The following ERGIC2 variants were observed in gnomAD, a reference collection of about 807,000 sequenced individuals.
The protein encoded by ERGIC2 is endoplasmic reticulum-Golgi intermediate compartment protein 2.
Under a neutral mutation model 52.5 loss-of-function variants are expected in ERGIC2, and 31 were observed. The observed-to-expected ratio is 0.59, with a 90% confidence interval of 0.44 to 0.80. ERGIC2 has a LOEUF of 0.80. ERGIC2 is among the 30% of genes least tolerant of loss of function. The pLI is 0.00. For missense variants in ERGIC2, 395 were observed against 455.2 expected (o/e 0.87, Z 1.20); for synonymous variants, 129 against 140.6 (o/e 0.92, Z 0.58).
At position 29,341,089 on chromosome 12, in the gene ERGIC2, A is replaced by G. The variant is rs888083150; in HGVS notation, c.*67T>C. The G allele has an allele frequency of 3.7e-5, 38 of 1,030,674 alleles. No individual in the cohort carries two copies. The highest frequency in any genetic ancestry group is 5.3e-5 in the Non-Finnish European group (36 of 680,212). 63.8% of individuals were successfully genotyped at this position (1,030,674 alleles called of 1,614,324 possible). A position where few individuals can be genotyped will look rare whatever the true frequency, so the allele number is the denominator to read the frequency against. On this transcript the variant is annotated 3_prime_UTR_variant, in exon 14 of 14. Transcript: ENST00000360150. ...TTCTTTTCTTTGAATATATTGCACA[A>G]TATTTTATTATTAAAAAAAGGTTTT...
chr12:29,364,355 G>A lies in ERGIC2; in HGVS notation c.333+2522C>T, dbSNP rs182305387. Among the ~76,000 whole-genome samples, 347 of 152,244 alleles carry A rather than the reference G, an allele frequency of 2.3e-3. 2 individuals are homozygous for A. Among genetic ancestry groups the A allele is most frequent in the Admixed American group, 4.6e-3 (71 of 15,276 alleles). The stretch of plus-strand genomic sequence containing the variant: ...AAAATCAACAAAAATAAGCAATGGA[G>A]AAAGGACTCTCTATTCAATAAATGG... On this transcript the variant is annotated intron_variant, in intron 5 of 13. Coordinates refer to ENST00000360150, the MANE Select transcript of ERGIC2 (RefSeq NM_016570.3).
chr12:29,363,650 T>C (rs1940315735), intron 5 of ERGIC2, among the ~76,000 whole-genome samples: 1 of 152,032 alleles, frequency 6.6e-6, no homozygotes, highest in Non-Finnish European at 1.5e-5. Context: ...TCAACAATAC[T>C]GTCCCAACTG....
At chr12:29,343,992 C>T (rs1053381657) in intron 11 of ERGIC2, among the ~76,000 whole-genome samples, 1 of 152,102 alleles carries the variant, frequency 6.6e-6, no homozygotes. Context: ...TTTAGTCACC[C>T]TATCAGTATA....
intron 1 of ERGIC2, among the ~76,000 whole-genome samples, chr12:29,379,380 A>G (rs1940556248): frequency 6.6e-6 from 1 of 152,180 alleles, no homozygotes; most frequent in Non-Finnish European, 1.5e-5. Flanking sequence ...CTTATGCTTT[A>G]GTCATTAAAA....
intron 8 of ERGIC2, among the ~76,000 whole-genome samples, chr12:29,354,168 T>C (rs1940171866): frequency 6.6e-6 from 1 of 152,224 alleles, no homozygotes; most frequent in Non-Finnish European, 1.5e-5. Flanking sequence ...GATACTCATG[T>C]ACATGAAAAG....
intron 12 of ERGIC2, 52 bp downstream of exon 12, chr12:29,343,068 T>TG: frequency 6.9e-7 from 1 of 1,457,612 alleles, no homozygotes; most frequent in Non-Finnish European, 9.3e-7. Context: ...AGAAGCAACT[T>TG]AAGTATAAGC....
Position 29,356,440 on chromosome 12 carries a change from T to G in ERGIC2, c.514A>C (p.Ile172Leu), listed in dbSNP as rs1170556048. 1.9e-6 allele frequency: 3 copies of G among 1,604,098 alleles called. No homozygotes were observed. In the South Asian group the frequency reaches 3.3e-5, roughly 18 times the overall value. ...TTATTGACATATAGATGGCCATGAA[T>G]TCTGCATGCATTTGGAGACTGTGAT... ...DSSQSPNACR[I>L]HGHLYVNKVA... Residue 172 changes from isoleucine (I) to leucine (L), a missense_variant, in exon 8 of 14, where the codon ATT becomes CTT. Transcript: ENST00000360150.
chr12:29,370,060 C>A lies in ERGIC2; in HGVS notation c.215+54G>T, dbSNP rs367812518. The A allele has an allele frequency of 1.5e-4, 215 of 1,412,222 alleles. No homozygotes were observed. The African/African-American group carries it at 3.0e-3, about 19-fold the overall frequency. 87.5% of individuals were successfully genotyped at this position (1,412,222 alleles called of 1,614,324 possible). A position where few individuals can be genotyped will look rare whatever the true frequency, so the allele number is the denominator to read the frequency against. The stretch of plus-strand genomic sequence containing the variant: ...CTTTTTCTTTTTTAAAAGGTATGCT[C>A]TTTTTAAAACAATTTGAATCTAAAG... On this transcript the variant is annotated intron_variant, in intron 3 of 13. Coordinates refer to ENST00000360150, the MANE Select transcript of ERGIC2 (RefSeq NM_016570.3).
chr12:29,371,936 T>G (rs1309111966), intron 1 of ERGIC2, among the ~76,000 whole-genome samples: 1 of 152,166 alleles, frequency 6.6e-6, no homozygotes, highest in Non-Finnish European at 1.5e-5. Flanking sequence ...GAATAATGTC[T>G]AAATATAAAA....
At chr12:29,366,155 G>A (rs552157709) in intron 5 of ERGIC2, among the ~76,000 whole-genome samples, 5 of 152,056 alleles carry the variant, frequency 3.3e-5, no homozygotes, top group African/African-American at 1.2e-4. Flanking sequence ...AAGAACGCAT[G>A]CGTAAATTTA....
At chr12:29,366,353 CAG>C (rs767507600) in intron 5 of ERGIC2, among the ~76,000 whole-genome samples, 35 of 151,974 alleles carry the variant, frequency 2.3e-4, no homozygotes, top group Admixed American at 1.8e-3. Flanking sequence ...AAGAAAATGT[CAG>C]CATTTCACAC....
chr12:29,376,611 A>G (rs368314236), intron 1 of ERGIC2, among the ~76,000 whole-genome samples: 3 of 152,266 alleles, frequency 2.0e-5, no homozygotes, highest in African/African-American at 7.2e-5. Context: ...TTACCTCCCC[A>G]AGTAGGAACT....
chr12:29,361,544 C>A, intron 6 of ERGIC2, 101 bp downstream of exon 6: 1 of 824,906 alleles, frequency 1.2e-6, no homozygotes, highest in Non-Finnish European at 1.8e-6. Flanking sequence ...AGAATTCATC[C>A]AAAGAAATCC....
At chr12:29,367,253 T>C (rs1441239976) in intron 4 of ERGIC2, among the ~76,000 whole-genome samples, 1 of 151,572 alleles carries the variant, frequency 6.6e-6, no homozygotes, top group Non-Finnish European at 1.5e-5. Context: ...GTCACTGAAT[T>C]GAAGAGCTTT....
At chr12:29,368,209 A>G (rs1167065608) in intron 4 of ERGIC2, 32 bp downstream of exon 4, 1 of 1,383,000 alleles carries the variant, frequency 7.2e-7, no homozygotes, top group African/African-American at 1.4e-5. Context: ...CATAACCTAC[A>G]TGTGGATTCA....
At chr12:29,358,937 A>G (rs889179835) in intron 6 of ERGIC2, among the ~76,000 whole-genome samples, 2 of 152,142 alleles carry the variant, frequency 1.3e-5, no homozygotes, top group Non-Finnish European at 2.9e-5. Flanking sequence ...CTCGACATAA[A>G]AAGTAGAAAC....
intron 4 of ERGIC2, among the ~76,000 whole-genome samples, chr12:29,367,765 C>T (rs891948027): frequency 2.0e-5 from 3 of 151,696 alleles, no homozygotes; most frequent in African/African-American, 7.2e-5. Context: ...AGCATTTTTC[C>T]ACTTCTATTA....
intron 6 of ERGIC2, among the ~76,000 whole-genome samples, chr12:29,361,345 T>C (rs1361061200): frequency 6.6e-6 from 1 of 152,220 alleles, no homozygotes; most frequent in Non-Finnish European, 1.5e-5. Context: ...ATCATTTCTA[T>C]TCAAATTGAA....
chr12:29,363,153 T>C (rs1940309449), intron 5 of ERGIC2, among the ~76,000 whole-genome samples: 1 of 152,190 alleles, frequency 6.6e-6, no homozygotes, highest in Non-Finnish European at 1.5e-5. Context: ...AAATCACAGA[T>C]AGTAAGTAAC....
Sources: allele counts gnomAD v4.1 joint callset (sites outside exome capture counted in the v4.1 genomes callset), GRCh38; gene constraint gnomAD v4.1.1; transcripts MANE v1.5; gene names NCBI Gene and HGNC (gene_info 2026-07-23, HGNC 2026-07-21).